Variants in AFDN observed in about 807,000 individuals in gnomAD.
AFDN encodes the protein afadin, adherens junction formation factor.
AFDN carries 68 observed loss-of-function variants against 216.6 expected under a neutral mutation model. The observed-to-expected ratio is 0.31, with a 90% CI of 0.26 to 0.38. The LOEUF is 0.38. Ranked by LOEUF, AFDN falls within the 10% of genes least tolerant of loss-of-function variation. AFDN has a pLI of 1.00. For synonymous variants in AFDN, 868 were observed against 853.7 expected (o/e 1.02, Z -0.29); for missense variants, 2,136 against 2,342.0 (o/e 0.91, Z 1.82).
chr6:167,947,969 G>C (rs559645677), intron 28 of AFDN, 25 bp downstream of exon 28: 1 of 1,531,736 alleles, frequency 6.5e-7, no homozygotes, highest in African/African-American at 1.4e-5. Context: ...TAAGCAAAAG[G>C]CTTCTACTGC....
At chr6:167,872,617 C>A (rs990198268) in intron 4 of AFDN, among the ~76,000 whole-genome samples, 1 of 152,196 alleles carries the variant, frequency 6.6e-6, no homozygotes, top group African/African-American at 2.4e-5. Context: ...CACCCACAGT[C>A]TTGCTAGTCT....
intron 1 of AFDN, among the ~76,000 whole-genome samples, chr6:167,831,783 T>C (rs1487694186): frequency 6.6e-6 from 1 of 152,198 alleles, no homozygotes; most frequent in Admixed American, 6.5e-5. Flanking sequence ...AAGGATTTGA[T>C]TGAGCAATTG....
At position 167,875,788 on chromosome 6, in the gene AFDN, C is replaced by A. The variant is rs968509332; in HGVS notation, c.739+293C>A. ...GAAAGATACAATAAACTCCCGTGTACGTATCACTGAGGTTTCTTCTGTTCT... is the reference window on the plus strand; with the variant it reads ...GAAAGATACAATAAACTCCCGTGTAAGTATCACTGAGGTTTCTTCTGTTCT... On this transcript the variant is annotated intron_variant, in intron 5 of 33. Transcript: ENST00000683244. Among the ~76,000 whole-genome samples the A allele has an allele frequency of 3.9e-5, 6 of 151,984 alleles. No individual in the cohort carries two copies. The East Asian group carries it at 9.6e-4, about 24-fold the overall frequency.
chr6:167,889,350 C>G, intron 7 of AFDN, 24 bp downstream of exon 7: 1 of 1,483,658 alleles, frequency 6.7e-7, no homozygotes, highest in South Asian at 1.1e-5. Flanking sequence ...TAAAGGATTA[C>G]TTACACCAGA....
intron 6 of AFDN, among the ~76,000 whole-genome samples, chr6:167,883,072 T>A (rs532065263): frequency 2.0e-5 from 3 of 151,950 alleles, no homozygotes; most frequent in Non-Finnish European, 2.9e-5. Flanking sequence ...CTCAAAAAAG[T>A]GCTGGAGGAC....
chr6:167,965,902 C>A lies in AFDN; in HGVS notation c.5114C>A (p.Ser1705Tyr). The change falls in exon 32 of 34, where the codon TCC becomes TAC. Residue 1705 changes from serine (S) to tyrosine (Y), a missense_variant. Ser to Tyr is a moderately radical substitution (Grantham distance 144, BLOSUM62 -2). Transcript: ENST00000683244. ...CGGGACTACGAGCCCCCGTCCCCGT[C>A]CCCCGCGCCCGGCGCCCCTCCTCCC... ...LPRDYEPPSP[S>Y]PAPGAPPPPP... 3 of 1,546,774 alleles carry A rather than the reference C, an allele frequency of 1.9e-6. No homozygotes were observed. The highest frequency in any genetic ancestry group is 2.6e-6 in the Non-Finnish European group (3 of 1,144,380).
At chr6:167,878,879 G>C (rs911137955) in intron 5 of AFDN, among the ~76,000 whole-genome samples, 2 of 152,272 alleles carry the variant, frequency 1.3e-5, no homozygotes, top group Non-Finnish European at 2.9e-5. Flanking sequence ...GGCCACTTCT[G>C]TCTGGTTGTT....
intron 30 of AFDN, among the ~76,000 whole-genome samples, chr6:167,959,221 T>C (rs1192910989): frequency 6.6e-6 from 1 of 152,206 alleles, no homozygotes; most frequent in Non-Finnish European, 1.5e-5. Flanking sequence ...GTCATTTTAC[T>C]TAAATCTGAA....
At chr6:167,826,817 C>G (rs1562506372), upstream of AFDN, 2 of 142,762 alleles carry the variant, frequency 1.4e-5, no homozygotes, top group East Asian at 2.0e-4. Context: ...TGCGGCGGCG[C>G]CGCGCGGGGC....
chr6:167,935,772 T>G (rs1793920384), intron 23 of AFDN, among the ~76,000 whole-genome samples: 1 of 152,196 alleles, frequency 6.6e-6, no homozygotes, highest in Non-Finnish European at 1.5e-5. Context: ...ATGGCTCTTT[T>G]GCTTTTCTTT....
intron 20 of AFDN, among the ~76,000 whole-genome samples, chr6:167,917,752 G>A (rs1335779855): frequency 6.6e-6 from 1 of 152,156 alleles, no homozygotes; most frequent in East Asian, 1.9e-4. Flanking sequence ...GTGGATGGAT[G>A]GATTGACCAG....
chr6:167,951,240 C>T lies in AFDN; in HGVS notation c.3886C>T (p.Arg1296Trp), dbSNP rs1483758696. 7 of 1,604,262 alleles carry T rather than the reference C, an allele frequency of 4.4e-6. No homozygotes were observed. The highest frequency in any genetic ancestry group is 1.7e-5 in the Admixed American group (1 of 58,076). The change falls in exon 30 of 34, where the codon CGG (arginine) becomes TGG (tryptophan). Residue 1296 changes from arginine to tryptophan, a missense_variant. Transcript: ENST00000683244. The surrounding 1 kb of genome is among the most constrained non-coding windows in gnomAD (Gnocchi z 7.1). ...AGAAGATAAAGCTTACCAACTTGAG[C>T]GGCATCGAATAGAGGCAGCTATGGA... The part of the protein sequence containing the change: ...LREDKAYQLE[R>W]HRIEAAMDRK...
At position 167,911,446 on chromosome 6, in the gene AFDN, C is replaced by T; in HGVS notation, c.1994C>T (p.Ala665Val). 1 of 1,614,132 alleles carries T rather than the reference C, an allele frequency of 6.2e-7. No individual in the cohort carries two copies. The change falls in exon 15 of 34, where the codon GCA (alanine) becomes GTA (valine). Residue 665 changes from alanine to valine, a missense_variant. Ala to Val is a moderately conservative substitution (Grantham distance 64). Around this residue, in one of 8 missense-constraint regions of AFDN, gnomAD observed 817 missense variants for 965.7 expected, o/e 0.85. Coordinates refer to ENST00000683244, the MANE Select transcript of AFDN (RefSeq NM_001386888.1). ...ACAGAGCGCACACATAAAGTCATTG[C>T]AGTCGTCAACAAGATGGTGAGCATG... The part of the protein sequence containing the change: ...SPTERTHKVI[A>V]VVNKMVSMME...
At chr6:167,914,039 CTG>C in intron 16 of AFDN, 127 bp from the exon 17 acceptor site, 1 of 934,454 alleles carries the variant, frequency 1.1e-6, no homozygotes, top group East Asian at 2.5e-5. Flanking sequence ...TATCTGGTAT[CTG>C]TGGTAAATAC....
chr6:167,883,979 C>T (rs183118547), intron 6 of AFDN, among the ~76,000 whole-genome samples: 1 of 152,340 alleles, frequency 6.6e-6, no homozygotes, highest in East Asian at 1.9e-4. Context: ...CCAACCCCTG[C>T]CACTGCTTTA....
chr6:167,916,991 A>C (rs1018730254), intron 19 of AFDN, 98 bp from the exon 20 acceptor site: 6 of 1,109,772 alleles, frequency 5.4e-6, no homozygotes, highest in African/African-American at 3.2e-5. Context: ...TCAAAGTTAA[A>C]TTAGCAAGTT....
At chr6:167,887,096 G>C (rs1392028844) in intron 6 of AFDN, among the ~76,000 whole-genome samples, 1 of 150,756 alleles carries the variant, frequency 6.6e-6, no homozygotes, top group Non-Finnish European at 1.5e-5. Flanking sequence ...GAATGTTGAT[G>C]TTGATAAGTG....
At chr6:167,932,273 T>G (rs1793404778) in intron 23 of AFDN, among the ~76,000 whole-genome samples, 1 of 152,186 alleles carries the variant, frequency 6.6e-6, no homozygotes, top group South Asian at 2.1e-4. Context: ...GTTTTGATGT[T>G]AAGTTCCCTG....
At chr6:167,875,091 T>A (rs2301531) in intron 4 of AFDN, among the ~76,000 whole-genome samples, 13 of 152,146 alleles carry the variant, frequency 8.5e-5, no homozygotes, top group East Asian at 1.9e-4. Flanking sequence ...ATGAATAAAC[T>A]CACTATTAAT....
Sources: gnomAD v4.1 joint callset for allele counts (sites outside exome capture counted in the v4.1 genomes callset) on GRCh38, gnomAD v4.1.1 for gene constraint, gnomAD v4.1.1 regional missense constraint, Gnocchi (gnomAD v3.1) non-coding constraint, MANE v1.5 for transcripts, NCBI Gene and HGNC (gene_info 2026-07-23, HGNC 2026-07-21) for gene names.